The following POLD3 variants were observed in gnomAD, a reference collection of about 807,000 sequenced individuals.
POLD3 encodes DNA polymerase delta 3, accessory subunit, also known as DNA polymerase delta subunit 3.
In POLD3, 19 loss-of-function variants were observed where a neutral mutation model predicts 58.2. The ratio of observed to expected loss-of-function variants is 0.33; its 90% CI spans 0.23 to 0.48. The LOEUF (loss-of-function observed/expected upper bound fraction) is 0.48. Ranked by LOEUF, POLD3 falls within the 20% of genes least tolerant of loss-of-function variation. POLD3 has a pLI of 0.99. For synonymous variants in POLD3, 172 were observed against 193.5 expected (o/e 0.89, Z 0.92); for missense variants, 504 against 545.5 (o/e 0.92, Z 0.76).
In POLD3 at chr11:74,641,552, G is replaced by T; in HGVS notation, c.*786G>T. 1 of 985,434 alleles carries T rather than the reference G, an allele frequency of 1.0e-6. No individual in the cohort carries two copies. Among genetic ancestry groups the T allele is most frequent in the Non-Finnish European group, 1.2e-6 (1 of 829,938 alleles). The allele number at this position is 985,434 out of a possible 1,614,324, so 61.0% of individuals were successfully genotyped here. ...GGAGCTGCCGTGCTGCTGATACGGGGTGTGCTTTATGCTGCTCTTTGCGGT... is the reference window on the plus strand; with the variant it reads ...GGAGCTGCCGTGCTGCTGATACGGGTTGTGCTTTATGCTGCTCTTTGCGGT... On this transcript the variant is annotated 3_prime_UTR_variant, in exon 12 of 12. Coordinates refer to ENST00000263681, the MANE Select transcript of POLD3 (RefSeq NM_006591.3).
chr11:74,595,855 C>T (rs1342999720), intron 2 of POLD3, among the ~76,000 whole-genome samples: 1 of 152,174 alleles, frequency 6.6e-6, no homozygotes, highest in Admixed American at 6.5e-5. Context: ...TCTTGAATTC[C>T]CAGGCTCAAG....
intron 9 of POLD3, among the ~76,000 whole-genome samples, chr11:74,630,381 C>T (rs2032556429): frequency 1.3e-5 from 2 of 151,846 alleles, no homozygotes; most frequent in Admixed American, 1.3e-4. Flanking sequence ...AATGAACAGA[C>T]CCAAGAAATA....
intron 2 of POLD3, among the ~76,000 whole-genome samples, 164 bp downstream of exon 2, chr11:74,594,280 C>T (rs1046154537): frequency 2.6e-5 from 4 of 152,162 alleles, no homozygotes; most frequent in Non-Finnish European, 4.4e-5. Context: ...CAATCTCTGC[C>T]TTCATTGTCA....
At chr11:74,627,763 G>A (rs547069803) in intron 8 of POLD3, among the ~76,000 whole-genome samples, 1 of 152,068 alleles carries the variant, frequency 6.6e-6, no homozygotes, top group Non-Finnish European at 1.5e-5. Flanking sequence ...TAACAATGAT[G>A]TACAGGTTTG....
chr11:74,609,404 G>A (rs1239171061), intron 3 of POLD3, among the ~76,000 whole-genome samples: 1 of 14,098 alleles, frequency 7.1e-5, no homozygotes, highest in Non-Finnish European at 1.1e-4. Flanking sequence ...TTTTTGAGAT[G>A]GACTTTTGCC....
chr11:74,639,702 C>G (rs1297864041), intron 11 of POLD3, among the ~76,000 whole-genome samples: 1 of 152,200 alleles, frequency 6.6e-6, no homozygotes, highest in East Asian at 1.9e-4. Flanking sequence ...GTGCCTGTGT[C>G]CTTTGGGGCT....
chr11:74,607,840 T>C (rs2031750335), intron 3 of POLD3, among the ~76,000 whole-genome samples: 9 of 152,016 alleles, frequency 5.9e-5, no homozygotes, highest in Admixed American at 5.9e-4. Context: ...TTAAGTGATC[T>C]GCCCTTCTCG....
At chr11:74,601,407 G>A (rs939139505) in intron 2 of POLD3, among the ~76,000 whole-genome samples, 51 of 152,152 alleles carry the variant, frequency 3.4e-4, no homozygotes, top group Admixed American at 9.8e-4. Flanking sequence ...GAGGGGATGC[G>A]TCATATGTAA....
Position 74,636,241 on chromosome 11 carries a change from A to G in POLD3, c.1164A>G (p.Lys388=). The G allele has an allele frequency of 6.2e-7, 1 of 1,612,884 alleles. No homozygotes were observed. Among genetic ancestry groups the G allele is most frequent in the Non-Finnish European group, 8.5e-7 (1 of 1,178,850 alleles). ...AAAGAAAACGAAAACGCGTACTAAA[A>G]TCTAAAACTTACCTGGATGGGGAAG... is the stretch of plus-strand genomic sequence containing the variant. ...ENKRKRKRVL[K]SKTYLDGEGC... is the part of the protein sequence containing the mutation. The change falls in exon 11 of 12, where the codon AAA becomes AAG. Residue 388 remains lysine, a synonymous_variant. Transcript: ENST00000263681.
intron 4 of POLD3, among the ~76,000 whole-genome samples, chr11:74,668,021 C>G (rs2033293655): frequency 6.6e-6 from 1 of 152,160 alleles, no homozygotes; most frequent in South Asian, 2.1e-4. Context: ...ATCAAAATCT[C>G]AATGAGAAAT....
At chr11:74,635,452 G>A (rs1341113745) in intron 10 of POLD3, among the ~76,000 whole-genome samples, 1 of 152,190 alleles carries the variant, frequency 6.6e-6, no homozygotes, top group Non-Finnish European at 1.5e-5. Context: ...CACTTTGGAA[G>A]GCTGAGGTGG....
intron 5 of POLD3, among the ~76,000 whole-genome samples, chr11:74,616,112 T>G (rs553473260): frequency 1.3e-5 from 2 of 152,202 alleles, no homozygotes; most frequent in Non-Finnish European, 2.9e-5. Flanking sequence ...TCCCTTGTTA[T>G]ATCTAGCAAG....
At position 74,592,639 on chromosome 11, in the gene POLD3, G is replaced by C. The variant is rs754476293; in HGVS notation, c.-20G>C. 10 of 1,604,110 alleles carry C rather than the reference G, an allele frequency of 6.2e-6. No individual in the cohort carries two copies. The highest frequency in any genetic ancestry group is 8.5e-6 in the Non-Finnish European group (10 of 1,174,704). On this transcript the variant is annotated 5_prime_UTR_variant, in exon 1 of 12. Coordinates refer to ENST00000263681, the MANE Select transcript of POLD3 (RefSeq NM_006591.3). Reference sequence around the variant, plus strand: ...GTGATTGAGAGAGGGGTTAGAGGCGGGTCCCAGCGCTGCCGCACCATGGCG... The same window carrying C: ...GTGATTGAGAGAGGGGTTAGAGGCGCGTCCCAGCGCTGCCGCACCATGGCG...
At chr11:74,657,922 A>T (rs530688489) in intron 4 of POLD3, among the ~76,000 whole-genome samples, 33 of 152,282 alleles carry the variant, frequency 2.2e-4, no homozygotes, top group African/African-American at 7.9e-4. Flanking sequence ...TTCTAGGGTA[A>T]AAGTTTTTTT....
At chr11:74,599,937 A>G (rs751208856) in intron 2 of POLD3, among the ~76,000 whole-genome samples, 89 of 149,730 alleles carry the variant, frequency 5.9e-4, no homozygotes, top group Non-Finnish European at 9.9e-4. Context: ...AAGAAGTCAT[A>G]TATGTTGTTA....
chr11:74,662,332 C>A (rs1011588971), intron 4 of POLD3, among the ~76,000 whole-genome samples: 1 of 152,054 alleles, frequency 6.6e-6, no homozygotes, highest in African/African-American at 2.4e-5. Context: ...TCACCAAGGC[C>A]CATGGCGTAC....
chr11:74,662,925 T>A (rs2033221895), intron 4 of POLD3, among the ~76,000 whole-genome samples: 1 of 152,244 alleles, frequency 6.6e-6, no homozygotes, highest in African/African-American at 2.4e-5. Flanking sequence ...ACACATCTGC[T>A]GAGTTCAGCC....
intron 7 of POLD3, among the ~76,000 whole-genome samples, chr11:74,621,743 A>G (rs973817263): frequency 3.3e-5 from 5 of 152,146 alleles, no homozygotes; most frequent in Admixed American, 6.5e-5. Flanking sequence ...AAAGCCAGGC[A>G]TGGTGGTACG....
downstream of POLD3, chr11:74,643,100 C>T (rs184848619): frequency 2.7e-4 from 56 of 204,258 alleles, no homozygotes; most frequent in East Asian, 6.1e-3. Context: ...AGCATGAATT[C>T]GGTCCATGTT....
Sources: gnomAD v4.1 joint callset for allele counts (sites outside exome capture counted in the v4.1 genomes callset) on GRCh38, gnomAD v4.1.1 for gene constraint, MANE v1.5 for transcripts, NCBI Gene and HGNC (gene_info 2026-07-23, HGNC 2026-07-21) for gene names.